IFT122: variants seen among roughly 807,000 people sequenced by gnomAD.
The protein encoded by IFT122 is intraflagellar transport 122.
IFT122 carries 118 observed loss-of-function variants against 161.6 expected under a neutral mutation model. That is an observed-to-expected ratio of 0.73 (90% CI 0.63 to 0.85). The LOEUF (loss-of-function observed/expected upper bound fraction) is 0.85, where lower values mean the gene tolerates loss of function less well. IFT122 is among the 40% of genes least tolerant of loss of function. The pLI is 0.00. For missense variants in IFT122, 1,381 were observed against 1,579.6 expected (o/e 0.87, Z 2.13); for synonymous variants, 550 against 602.4 (o/e 0.91, Z 1.27).
At chr3:129,472,572 T>C (rs1171965442) in intron 9 of IFT122, among the ~76,000 whole-genome samples, 1 of 152,152 alleles carries the variant, frequency 6.6e-6, no homozygotes, top group African/African-American at 2.4e-5. Flanking sequence ...TTTTTCTTCT[T>C]GGTGTTCACT....
chr3:129,443,315 G>T (rs767099041), intron 1 of IFT122, among the ~76,000 whole-genome samples: 1 of 152,252 alleles, frequency 6.6e-6, no homozygotes, highest in Non-Finnish European at 1.5e-5. Context: ...AGGACAATTT[G>T]CAGGATTCCT....
At chr3:129,443,960 T>C (rs2073618382) in intron 1 of IFT122, among the ~76,000 whole-genome samples, 1 of 152,170 alleles carries the variant, frequency 6.6e-6, no homozygotes, top group Non-Finnish European at 1.5e-5. Context: ...GGAATCACTT[T>C]GATGAGCTCA....
intron 3 of IFT122, among the ~76,000 whole-genome samples, chr3:129,457,739 T>G (rs938817856): frequency 6.8e-6 from 1 of 147,294 alleles, no homozygotes; most frequent in Admixed American, 6.7e-5. Context: ...ATAGTTTTTT[T>G]TTTTTTTTTT....
At chr3:129,452,990 C>G (rs1158573305) in intron 3 of IFT122, among the ~76,000 whole-genome samples, 1 of 150,666 alleles carries the variant, frequency 6.6e-6, no homozygotes, top group Non-Finnish European at 1.5e-5. Flanking sequence ...AAGTTTTTGA[C>G]CTGAGGACTG....
chr3:129,476,328 G>T lies in IFT122; in HGVS notation c.830G>T (p.Arg277Leu). The change falls in exon 10 of 30, where the codon CGG becomes CTG. Residue 277 changes from arginine (R) to leucine (L), a missense_variant. Physicochemically the swap from Arg to Leu is moderately radical, Grantham distance 102 (BLOSUM62 -2). Around this residue, in one of 7 missense-constraint regions of IFT122, gnomAD observed 544 missense variants for 648.0 expected, o/e 0.84. Transcript: ENST00000348417. The part of the protein sequence containing the change: ...QLSGKQIGKD[R>L]ALNFDPCCIS... The stretch of plus-strand genomic sequence containing the variant: ...CTTTTTCCTCAGATTGGAAAGGATC[G>T]GGCACTGAACTTTGACCCCTGCTGC... 6.2e-7 allele frequency: 1 copy of T among 1,614,106 alleles called. No individual in the cohort carries two copies. Among genetic ancestry groups the T allele is most frequent in the Non-Finnish European group, 8.5e-7 (1 of 1,180,006 alleles).
chr3:129,479,819 T>C lies in IFT122; in HGVS notation c.1385T>C (p.Val462Ala), dbSNP rs1240842606. 1.2e-6 allele frequency: 2 copies of C among 1,613,788 alleles called. No individual in the cohort carries two copies. The highest frequency in any genetic ancestry group is 1.7e-6 in the Non-Finnish European group (2 of 1,179,968). Residue 462 changes from valine to alanine, a missense_variant, in exon 13 of 30, where the codon GTG (valine) becomes GCG (alanine). Val to Ala is a moderately conservative substitution (Grantham distance 64). Around this residue, in one of 7 missense-constraint regions of IFT122, gnomAD observed 544 missense variants for 648.0 expected, o/e 0.84. Transcript: ENST00000348417. ...KRLQCLSFSGVKEREWQMESL... is the reference protein window; with the variant it reads ...KRLQCLSFSGAKEREWQMESL... The stretch of plus-strand genomic sequence containing the variant: ...CTGCAGTGCCTGTCCTTCAGCGGAG[T>C]GAAGGAGCGGGAGTGGCAGATGGAG...
At chr3:129,501,667 A>G (rs566164903) in intron 19 of IFT122, among the ~76,000 whole-genome samples, 9 of 152,346 alleles carry the variant, frequency 5.9e-5, no homozygotes, top group South Asian at 4.1e-4. Flanking sequence ...GTAATTCAAG[A>G]AACACATTAA....
chr3:129,484,694 TG>T (rs1426512271), intron 15 of IFT122, among the ~76,000 whole-genome samples: 1 of 152,236 alleles, frequency 6.6e-6, no homozygotes, highest in Non-Finnish European at 1.5e-5. Context: ...TATGAAGTGC[TG>T]GCTGTACACT....
intron 13 of IFT122, among the ~76,000 whole-genome samples, chr3:129,480,404 G>C (rs1159470906): frequency 6.6e-6 from 1 of 152,194 alleles, no homozygotes; most frequent in African/African-American, 2.4e-5. Context: ...GGATATCCAG[G>C]TTACACAAAA....
rs747587003 is a variant in IFT122, at chr3:129,515,472, C to T, written c.3154-16C>T. 8.4e-6 allele frequency: 10 copies of T among 1,183,968 alleles called. No homozygotes were observed. Among genetic ancestry groups the T allele is most frequent in the East Asian group, 2.5e-5 (1 of 40,804 alleles). The allele number at this position is 1,183,968 out of a possible 1,614,324, so 73.3% of individuals were successfully genotyped here. A position where few individuals can be genotyped will look rare whatever the true frequency, so the allele number is the denominator to read the frequency against. On this transcript the variant is annotated splice_polypyrimidine_tract_variant and intron_variant, in intron 25 of 29. Coordinates refer to ENST00000348417, the MANE Select transcript of IFT122 (RefSeq NM_052989.3). ...TGCCTGCCCCGGCCCCTCGGGAGTC[C>T]GTGGCTGTTTTGTAGGAGTTGGTGC...
At chr3:129,513,833 G>A in intron 24 of IFT122, 1 of 250,622 alleles carries the variant, frequency 4.0e-6, no homozygotes, top group Non-Finnish European at 7.9e-6. Flanking sequence ...TGAGAGGAGA[G>A]CACAAAGGCT....
chr3:129,483,998 G>A (rs2078975003), intron 15 of IFT122: 1 of 431,010 alleles, frequency 2.3e-6, no homozygotes, highest in Admixed American at 3.5e-5. Context: ...CGAATGGAGT[G>A]AGCAGCAAAG....
intron 9 of IFT122, among the ~76,000 whole-genome samples, chr3:129,474,347 G>A (rs1191161217): frequency 6.6e-6 from 1 of 152,168 alleles, no homozygotes; most frequent in African/African-American, 2.4e-5. Flanking sequence ...TTTATAAATT[G>A]AATATTAGTT....
intron 12 of IFT122, 73 bp downstream of exon 12, chr3:129,478,291 C>T (rs2078204156): frequency 2.3e-6 from 3 of 1,303,690 alleles, no homozygotes; most frequent in African/African-American, 2.9e-5. Context: ...GGGTGCCCAC[C>T]TCATGGTTTT....
intron 23 of IFT122, among the ~76,000 whole-genome samples, chr3:129,509,145 G>A (rs1273275527): frequency 6.6e-6 from 1 of 152,180 alleles, no homozygotes; most frequent in Non-Finnish European, 1.5e-5. Context: ...CCTCACATCT[G>A]ATTGAGAAAT....
Position 129,478,233 on chromosome 3 carries a change from G to A in IFT122, c.1350+15G>A, listed in dbSNP as rs1193764438. ...TCCTGTGCCAGGTGGGCAGCAGCAT[G>A]TTGAAGGAGTTGGGCTGAATTCCAT... is the stretch of plus-strand genomic sequence containing the variant. On this transcript the variant is annotated intron_variant, in intron 12 of 29. Transcript: ENST00000348417. 1.9e-6 allele frequency: 3 copies of A among 1,612,106 alleles called. No individual in the cohort carries two copies. Among genetic ancestry groups the A allele is most frequent in the Admixed American group, 3.3e-5 (2 of 59,982 alleles).
intron 11 of IFT122, 88 bp downstream of exon 11, chr3:129,476,889 A>G: frequency 1.3e-6 from 2 of 1,557,702 alleles, no homozygotes; most frequent in Non-Finnish European, 1.8e-6. Flanking sequence ...TGACAGGAAA[A>G]GGTTTCTCTT....
At chr3:129,477,912 CTT>C (rs2078150360) in intron 11 of IFT122, 102 bp from the exon 12 acceptor site, 1 of 926,766 alleles carries the variant, frequency 1.1e-6, no homozygotes, top group African/African-American at 1.6e-5. Context: ...GAGTATCTCA[CTT>C]TAATTGCCAG....
chr3:129,489,317 C>G (rs55893842), intron 16 of IFT122, among the ~76,000 whole-genome samples: 13,788 of 152,190 alleles, frequency 0.091, 698 homozygotes, highest in South Asian at 0.13. Context: ...AGGCCAGCCA[C>G]TTTCCTTGGA....
Sources: gnomAD v4.1 joint callset for allele counts (sites outside exome capture counted in the v4.1 genomes callset) on GRCh38, gnomAD v4.1.1 for gene constraint, gnomAD v4.1.1 regional missense constraint, MANE v1.5 for transcripts, NCBI Gene and HGNC (gene_info 2026-07-23, HGNC 2026-07-21) for gene names.